The following NWD2 variants were observed in gnomAD, a reference collection of about 807,000 sequenced individuals.
NWD2 encodes NACHT and WD repeat domain-containing protein 2.
In NWD2, 37 loss-of-function variants were observed where a neutral mutation model predicts 132.7. That is an observed-to-expected ratio of 0.28 (90% CI 0.21 to 0.37). NWD2 has a LOEUF of 0.37. NWD2 is among the 10% of genes least tolerant of loss of function. NWD2 has a pLI of 1.00. For missense variants in NWD2, 1,592 were observed against 2,122.4 expected (o/e 0.75, Z 4.91); for synonymous variants, 705 against 803.0 (o/e 0.88, Z 2.06).
chr4:37,250,338 T>A (rs1170000498), intron 1 of NWD2, among the ~76,000 whole-genome samples: 1 of 152,236 alleles, frequency 6.6e-6, no homozygotes, highest in Non-Finnish European at 1.5e-5. Context: ...GCAGACGTTA[T>A]TCAAGTGGAG....
At chr4:37,397,588 C>G (rs1720823176) in intron 3 of NWD2, among the ~76,000 whole-genome samples, 1 of 152,178 alleles carries the variant, frequency 6.6e-6, no homozygotes, top group African/African-American at 2.4e-5. Context: ...TCGGACTTGC[C>G]AGCCCCCATA....
Position 37,322,046 on chromosome 4 carries a change from A to G in NWD2, c.152-3890A>G, listed in dbSNP as rs79903266. ...TATTAAACCCATCGAATGATGAATTACAATAGAGGAGGCCTTTCTGTTTCT... is the reference window on the plus strand; with the variant it reads ...TATTAAACCCATCGAATGATGAATTGCAATAGAGGAGGCCTTTCTGTTTCT... On this transcript the variant is annotated intron_variant, in intron 1 of 6. Coordinates refer to ENST00000309447, the MANE Select transcript of NWD2 (RefSeq NM_001144990.2). 2.0e-3 allele frequency among the ~76,000 whole-genome samples: 307 copies of G among 152,314 alleles called. No individual in the cohort carries two copies. In the Middle Eastern group the frequency reaches 0.024, roughly 12 times the overall value.
At chr4:37,254,319 A>C (rs1251364762) in intron 1 of NWD2, among the ~76,000 whole-genome samples, 1 of 152,248 alleles carries the variant, frequency 6.6e-6, no homozygotes, top group African/African-American at 2.4e-5. Context: ...GTCAAAAAGC[A>C]ACCACCTTTG....
rs567042685 is a variant in NWD2 at position 37,280,122 on chromosome 4, T to C, written c.151+34904T>C. Among the ~76,000 whole-genome samples the C allele has an allele frequency of 1.1e-4, 17 of 152,234 alleles. No individual in the cohort carries two copies. The East Asian group carries it at 3.1e-3, about 28-fold the overall frequency. ...GAAACTTCAGTGAGAGAACACATAA[T>C]GAGACTGTTTTACCACAGGCGAATT... On this transcript the variant is annotated intron_variant, in intron 1 of 6. Coordinates refer to ENST00000309447, the MANE Select transcript of NWD2 (RefSeq NM_001144990.2).
chr4:37,383,431 TC>T (rs1200533237), intron 3 of NWD2, among the ~76,000 whole-genome samples: 3 of 152,220 alleles, frequency 2.0e-5, no homozygotes, highest in Non-Finnish European at 4.4e-5. Flanking sequence ...GATTGGAGAA[TC>T]CCACCTGGGT....
chr4:37,389,295 A>T (rs563021969), intron 3 of NWD2, among the ~76,000 whole-genome samples: 1 of 152,194 alleles, frequency 6.6e-6, no homozygotes, highest in South Asian at 2.1e-4. Flanking sequence ...GAATGTACCC[A>T]CTTTGAAGCC....
intron 1 of NWD2, among the ~76,000 whole-genome samples, chr4:37,286,687 A>G (rs990514462): frequency 2.0e-5 from 3 of 152,208 alleles, no homozygotes; most frequent in African/African-American, 7.2e-5. Context: ...CCTCATGTGT[A>G]AAATAGAGAT....
At chr4:37,272,932 A>G (rs1560381962) in intron 1 of NWD2, among the ~76,000 whole-genome samples, 1 of 151,766 alleles carries the variant, frequency 6.6e-6, no homozygotes. Flanking sequence ...AAGAGAAGGT[A>G]TATTCTCCAC....
chr4:37,321,243 C>T (rs745331081), intron 1 of NWD2, among the ~76,000 whole-genome samples: 20 of 152,114 alleles, frequency 1.3e-4, no homozygotes, highest in Non-Finnish European at 1.8e-4. Context: ...CTAGCACGGT[C>T]CTTTCAGCAC....
At chr4:37,249,984 T>C (rs1482128474) in intron 1 of NWD2, among the ~76,000 whole-genome samples, 1 of 152,228 alleles carries the variant, frequency 6.6e-6, no homozygotes, top group East Asian at 1.9e-4. Flanking sequence ...TTGAACTTGC[T>C]TCCCCACACA....
intron 3 of NWD2, among the ~76,000 whole-genome samples, chr4:37,390,143 C>T (rs923547046): frequency 1.3e-5 from 2 of 152,082 alleles, no homozygotes; most frequent in African/African-American, 2.4e-5. Context: ...TCTGAAGTTG[C>T]ACTTTCATTC....
At chr4:37,317,094 T>C (rs1412608127) in intron 1 of NWD2, among the ~76,000 whole-genome samples, 2 of 152,238 alleles carry the variant, frequency 1.3e-5, no homozygotes, top group Non-Finnish European at 2.9e-5. Context: ...TTTCAGAATT[T>C]CTTCTCAAAT....
intron 3 of NWD2, among the ~76,000 whole-genome samples, chr4:37,425,985 T>C (rs138457731): frequency 6.6e-6 from 1 of 152,342 alleles, no homozygotes; most frequent in East Asian, 1.9e-4. Context: ...AACTTGGTCT[T>C]CCATCTCCAC....
chr4:37,308,117 A>G (rs1718747998), intron 1 of NWD2, among the ~76,000 whole-genome samples: 2 of 151,998 alleles, frequency 1.3e-5, no homozygotes, highest in South Asian at 4.1e-4. Context: ...TTGCCTTGGG[A>G]TGTATTACTA....
At chr4:37,415,280 T>A (rs1711559206) in intron 3 of NWD2, among the ~76,000 whole-genome samples, 1 of 152,170 alleles carries the variant, frequency 6.6e-6, no homozygotes, top group African/African-American at 2.4e-5. Context: ...ATCTCTTGGC[T>A]TTAAAGTGGA....
At position 37,444,752 on chromosome 4, in the gene NWD2, G is replaced by A. The variant is rs1712588922; in HGVS notation, c.2764G>A (p.Val922Ile). The change falls in exon 7 of 7, where the codon GTA becomes ATA. Residue 922 changes from valine to isoleucine, a missense_variant. By Grantham distance (29) the Val-to-Ile change is conservative. This residue lies in a region of NWD2 where 1,071 missense variants were observed against 1,398.0 expected (regional missense o/e 0.77). Transcript: ENST00000309447. This position sits in a 1 kb window ranked among gnomAD's most constrained non-coding sequence, Gnocchi z 4.8. ...GCTTCAGCAAAGACTGCTGCCTGTT[G>A]TAAGCTCCCTGCCCAAACTTAGACA... The part of the protein sequence containing the change: ...AELQQRLLPV[V>I]SSLPKLRHLL... 5 of 1,551,812 alleles carry A rather than the reference G, an allele frequency of 3.2e-6. No individual in the cohort carries two copies. Among genetic ancestry groups the A allele is most frequent in the Non-Finnish European group, 3.5e-6 (4 of 1,147,064 alleles).
At chr4:37,280,197 A>G (rs1336672307) in intron 1 of NWD2, among the ~76,000 whole-genome samples, 1 of 152,258 alleles carries the variant, frequency 6.6e-6, no homozygotes, top group Non-Finnish European at 1.5e-5. Flanking sequence ...CCACAAAAAC[A>G]TCACCAAACT....
intron 1 of NWD2, among the ~76,000 whole-genome samples, chr4:37,302,266 T>G (rs1416272818): frequency 6.6e-6 from 1 of 152,036 alleles, no homozygotes; most frequent in African/African-American, 2.4e-5. Context: ...CCAGGCTCAC[T>G]CATGTTGCCA....
intron 3 of NWD2, among the ~76,000 whole-genome samples, chr4:37,360,465 G>T (rs1719959330): frequency 1.3e-5 from 2 of 151,996 alleles, no homozygotes; most frequent in African/African-American, 4.8e-5. Flanking sequence ...AAATGCATAT[G>T]GTACATATAT....
Sources: gnomAD v4.1 joint callset for allele counts (sites outside exome capture counted in the v4.1 genomes callset) on GRCh38, gnomAD v4.1.1 for gene constraint, gnomAD v4.1.1 regional missense constraint, Gnocchi (gnomAD v3.1) non-coding constraint, MANE v1.5 for transcripts, NCBI Gene and HGNC (gene_info 2026-07-23, HGNC 2026-07-21) for gene names.